The following PREX1 variants were observed in gnomAD, a reference collection of about 807,000 sequenced individuals.
PREX1 encodes phosphatidylinositol-3,4,5-trisphosphate dependent Rac exchange factor 1, also known as phosphatidylinositol 3,4,5-trisphosphate-dependent Rac exchanger 1 protein.
A neutral mutation model predicts 198.3 loss-of-function variants in PREX1; 41 were observed. That is an observed-to-expected ratio of 0.21 (90% CI 0.16 to 0.27). PREX1 has a LOEUF of 0.27. Ranked by LOEUF, PREX1 falls within the 10% of genes least tolerant of loss-of-function variation. PREX1 has a pLI of 1.00. For missense variants in PREX1, 1,620 were observed against 2,200.7 expected, an observed-to-expected ratio of 0.74 and a Z score of 5.28; for synonymous variants, 843 against 887.2, an observed-to-expected ratio of 0.95 and a Z score of 0.89.
Position 48,672,358 on chromosome 20 carries a change from G to C in PREX1, c.1665+3835C>G, listed in dbSNP as rs1380551481. ...CATCCAGAATCTGACCATTTCTCCT[G>C]CCACCCCCACCACCCTGTTCTCAGC... On this transcript the variant is annotated intron_variant, in intron 14 of 39. Transcript: ENST00000371941. Among the ~76,000 whole-genome samples the C allele has an allele frequency of 2.0e-5, 3 of 152,130 alleles. No homozygotes were observed. In the South Asian group the frequency reaches 6.2e-4, roughly 32 times the overall value.
intron 9 of PREX1, among the ~76,000 whole-genome samples, chr20:48,690,282 A>C (rs1347073865): frequency 2.0e-5 from 3 of 152,134 alleles, no homozygotes; most frequent in African/African-American, 7.2e-5. Flanking sequence ...TCAGATTTTG[A>C]AATGTGCTCA....
At position 48,636,341 on chromosome 20, in the gene PREX1, C is replaced by G; in HGVS notation, c.4167+122G>C. 18 of 1,020,598 alleles carry G rather than the reference C, an allele frequency of 1.8e-5. No individual in the cohort carries two copies. In the South Asian group the frequency reaches 2.6e-4, roughly 15 times the overall value. 63.2% of individuals were successfully genotyped at this position (1,020,598 alleles called of 1,614,324 possible). A position where few individuals can be genotyped will look rare whatever the true frequency, so the allele number is the denominator to read the frequency against. ...CAGCACACAGGTGCTCAACAAATAG[C>G]TGCTGCGGGAATGACGAGGCCAGGG... On this transcript the variant is annotated intron_variant, in intron 32 of 39. Coordinates refer to ENST00000371941, the MANE Select transcript of PREX1 (RefSeq NM_020820.4).
At chr20:48,859,294 G>A in the PREX1 span, among the ~76,000 whole-genome samples, 1 of 152,172 alleles carries the variant, frequency 6.6e-6, no homozygotes, top group Non-Finnish European at 1.5e-5. Context: ...AATTTTAACA[G>A]GCTGGCTACC....
intron 1 of PREX1, among the ~76,000 whole-genome samples, chr20:48,804,283 C>T (rs1003587981): frequency 1.3e-5 from 2 of 152,080 alleles, no homozygotes; most frequent in African/African-American, 4.8e-5. Context: ...TAAATTCTAG[C>T]GAAGGAAGAG....
chr20:48,653,347 T>C lies in PREX1; in HGVS notation c.2346+14A>G, dbSNP rs531757697. 46 of 1,607,444 alleles carry C rather than the reference T, an allele frequency of 2.9e-5. No individual in the cohort carries two copies. In the South Asian group the frequency reaches 4.6e-4, roughly 16 times the overall value. On this transcript the variant is annotated intron_variant, in intron 20 of 39. Coordinates refer to ENST00000371941, the MANE Select transcript of PREX1 (RefSeq NM_020820.4). ...CAGGACTTCTTTGACGGCCCCGGTT[T>C]CCAGTAAACTTACCAGGGCCTCTTC...
chr20:48,827,769 C>T lies in PREX1; in HGVS notation c.92G>A (p.Ser31Asn). 8.5e-7 allele frequency: 1 copy of T among 1,169,852 alleles called. No individual in the cohort carries two copies. Among genetic ancestry groups the T allele is most frequent in the Non-Finnish European group, 1.1e-6 (1 of 940,956 alleles). The allele number at this position is 1,169,852 out of a possible 1,614,324, so 72.5% of individuals were successfully genotyped here. Residue 31 changes from serine (S) to asparagine (N), a missense_variant, in exon 1 of 40, where the codon AGC becomes AAC. By Grantham distance (46) the Ser-to-Asn change is conservative. Coordinates refer to ENST00000371941, the MANE Select transcript of PREX1 (RefSeq NM_020820.4). This position sits in a 1 kb window ranked among gnomAD's most constrained non-coding sequence, Gnocchi z 4.1. ...DPRAPGAAAP[S>N]SGPGPCAAAR... ...GGCCGCGCACGGGCCGGGGCCGGAG[C>T]TGGGCGCCGCGGCGCCAGGGGCCCG...
the PREX1 span, among the ~76,000 whole-genome samples, chr20:48,842,639 A>G: frequency 6.6e-6 from 1 of 150,888 alleles, no homozygotes; most frequent in African/African-American, 2.4e-5. Flanking sequence ...CTCCATCCTT[A>G]TCATATTCAA....
At chr20:48,627,656 A>G (rs1479290720) in intron 38 of PREX1, 41 bp from the exon 39 acceptor site, 2 of 1,120,114 alleles carry the variant, frequency 1.8e-6, no homozygotes, top group Non-Finnish European at 2.6e-6. Context: ...CTGCAGGTTC[A>G]GGGCACGTGA....
At chr20:48,780,141 T>C (rs1192130685) in intron 1 of PREX1, among the ~76,000 whole-genome samples, 5 of 152,202 alleles carry the variant, frequency 3.3e-5, no homozygotes, top group African/African-American at 1.2e-4. Context: ...TATACATATA[T>C]TCCTGGATAC....
chr20:48,751,517 G>T (rs987643488), intron 1 of PREX1, among the ~76,000 whole-genome samples: 1 of 152,180 alleles, frequency 6.6e-6, no homozygotes, highest in African/African-American at 2.4e-5. Flanking sequence ...GGAAAGAATG[G>T]GCAGCAGAGG....
At chr20:48,718,455 C>T (rs2123110539) in intron 5 of PREX1, among the ~76,000 whole-genome samples, 1 of 151,536 alleles carries the variant, frequency 6.6e-6, no homozygotes, top group Admixed American at 6.6e-5. Context: ...TAAAACAATC[C>T]AAAATAAAAC....
chr20:48,631,925 C>A (rs1056857853), intron 35 of PREX1, among the ~76,000 whole-genome samples: 1 of 152,186 alleles, frequency 6.6e-6, no homozygotes, highest in Non-Finnish European at 1.5e-5. Context: ...CCAAGGTCCC[C>A]TGTCCTAGCT....
chr20:48,772,494 A>G (rs1473453326), intron 1 of PREX1, among the ~76,000 whole-genome samples: 1 of 152,178 alleles, frequency 6.6e-6, no homozygotes, highest in Admixed American at 6.5e-5. Context: ...ACAGCACTCC[A>G]ATGCCCCAAA....
At chr20:48,760,820 A>T (rs147388846) in intron 1 of PREX1, among the ~76,000 whole-genome samples, 20 of 152,258 alleles carry the variant, frequency 1.3e-4, no homozygotes, top group Non-Finnish European at 2.6e-4. Context: ...GGAAGGACTT[A>T]TGCATTCTTA....
At chr20:48,686,202 T>C (rs958747240) in intron 10 of PREX1, among the ~76,000 whole-genome samples, 1 of 152,046 alleles carries the variant, frequency 6.6e-6, no homozygotes, top group Non-Finnish European at 1.5e-5. Context: ...AAGGGCTTGA[T>C]CAATATCTCG....
At chr20:48,801,247 G>C (rs191565001) in intron 1 of PREX1, among the ~76,000 whole-genome samples, 1 of 152,174 alleles carries the variant, frequency 6.6e-6, no homozygotes, top group African/African-American at 2.4e-5. Flanking sequence ...TGCGAGCTGC[G>C]TAAGCACCAA....
In PREX1 at chr20:48,800,436, G is replaced by A. The variant is rs73609688; in HGVS notation, c.219+27206C>T. On this transcript the variant is annotated intron_variant, in intron 1 of 39. Coordinates refer to ENST00000371941, the MANE Select transcript of PREX1 (RefSeq NM_020820.4). ...TCTATTTACCACTTGACTTATCAGT[G>A]AGAATAAAGATAATAATAGTAACAG... Among the ~76,000 whole-genome samples the A allele has an allele frequency of 2.9e-3, 440 of 152,322 alleles. 6 individuals are homozygous for A. Among genetic ancestry groups the A allele is most frequent in the Admixed American group, 0.02 (311 of 15,304 alleles).
Position 48,642,162 on chromosome 20 carries a change from C to T in PREX1, c.3775+6G>A. ...GGCTGTCACCTTGGACTGGCTATCC[C>T]CTCACCTTGTAAGCTGTGGTTCATA... On this transcript the variant is annotated splice_donor_region_variant and intron_variant, in intron 29 of 39. Coordinates refer to ENST00000371941, the MANE Select transcript of PREX1 (RefSeq NM_020820.4). The T allele has an allele frequency of 1.9e-6, 3 of 1,613,836 alleles. No individual in the cohort carries two copies. Among genetic ancestry groups the T allele is most frequent in the Non-Finnish European group, 2.5e-6 (3 of 1,179,704 alleles).
chr20:48,625,851 A>G lies in PREX1; in HGVS notation c.*34T>C. 1 of 1,542,876 alleles carries G rather than the reference A, an allele frequency of 6.5e-7. No individual in the cohort carries two copies. ...CTGTGTCCTCCCAAATCCCAGCTCCAGAGGCCGCGGCCCAGCGTGGGGCAT... is the reference window on the plus strand; with the variant it reads ...CTGTGTCCTCCCAAATCCCAGCTCCGGAGGCCGCGGCCCAGCGTGGGGCAT... On this transcript the variant is annotated 3_prime_UTR_variant, in exon 40 of 40. Transcript: ENST00000371941.
Sources: gnomAD v4.1 joint callset for allele counts (sites outside exome capture counted in the v4.1 genomes callset) on GRCh38, gnomAD v4.1.1 for gene constraint, Gnocchi (gnomAD v3.1) non-coding constraint, MANE v1.5 for transcripts, NCBI Gene and HGNC (gene_info 2026-07-23, HGNC 2026-07-21) for gene names.